Variants in STAU2 observed in about 807,000 individuals in gnomAD.
The protein encoded by STAU2 is double-stranded RNA-binding protein Staufen homolog 2.
A neutral mutation model predicts 65.9 loss-of-function variants in STAU2; 20 were observed. The observed-to-expected ratio is 0.30, with a 90% CI of 0.21 to 0.44. STAU2 has a LOEUF of 0.44. Among genes scored for constraint, STAU2 ranks in the 20% least tolerant of loss-of-function variants. The pLI, the probability that STAU2 is intolerant of heterozygous loss-of-function variation, is 1.00. For synonymous variants in STAU2, 232 were observed against 233.9 expected, an observed-to-expected ratio of 0.99 and a Z score of 0.07; for missense variants, 558 against 683.9, an observed-to-expected ratio of 0.82 and a Z score of 2.05.
At chr8:73,452,142 T>C (rs1266662280) in intron 13 of STAU2, among the ~76,000 whole-genome samples, 1 of 152,190 alleles carries the variant, frequency 6.6e-6, no homozygotes, top group Non-Finnish European at 1.5e-5. Flanking sequence ...GCTCGCTTTC[T>C]AGTATTTCAG....
chr8:73,500,676 T>C (rs953944215), intron 13 of STAU2, among the ~76,000 whole-genome samples: 3 of 151,928 alleles, frequency 2.0e-5, no homozygotes, highest in African/African-American at 7.2e-5. Context: ...AATAAGAATA[T>C]GACCGTGATA....
At chr8:73,569,899 G>A (rs1008033475) in intron 12 of STAU2, among the ~76,000 whole-genome samples, 3 of 152,192 alleles carry the variant, frequency 2.0e-5, no homozygotes, top group Non-Finnish European at 2.9e-5. Flanking sequence ...AAATCAGAAT[G>A]CCTCTTCTCC....
At chr8:73,543,918 A>C (rs893817992) in intron 13 of STAU2, among the ~76,000 whole-genome samples, 1 of 152,218 alleles carries the variant, frequency 6.6e-6, no homozygotes, top group Non-Finnish European at 1.5e-5. Context: ...ACTGATCACC[A>C]GACCGATTTC....
chr8:73,592,662 C>T (rs779582382), intron 11 of STAU2, among the ~76,000 whole-genome samples: 1 of 152,132 alleles, frequency 6.6e-6, no homozygotes, highest in Non-Finnish European at 1.5e-5. Flanking sequence ...AGAGCAAGAC[C>T]AGCCCAGCCA....
chr8:73,506,861 T>A (rs976781747), intron 13 of STAU2, among the ~76,000 whole-genome samples: 14 of 152,200 alleles, frequency 9.2e-5, no homozygotes, highest in African/African-American at 2.9e-4. Flanking sequence ...ATCCTTTTTG[T>A]CATTTCAACA....
chr8:73,643,961 G>A (rs1815176094), intron 6 of STAU2, among the ~76,000 whole-genome samples: 1 of 152,138 alleles, frequency 6.6e-6, no homozygotes, highest in Admixed American at 6.5e-5. Flanking sequence ...AGGTTTGTAT[G>A]GACTTGTCCT....
intron 5 of STAU2, among the ~76,000 whole-genome samples, chr8:73,680,362 A>G (rs1014056533): frequency 1.3e-5 from 2 of 152,140 alleles, no homozygotes; most frequent in Non-Finnish European, 2.9e-5. Flanking sequence ...TAGACCCAGA[A>G]GAAAAATAAC....
At chr8:73,551,960 A>G (rs760881263) in intron 13 of STAU2, 52 bp downstream of exon 13, 5 of 1,515,948 alleles carry the variant, frequency 3.3e-6, no homozygotes, top group Admixed American at 2.2e-5. Flanking sequence ...ACAGATGAAG[A>G]ATCTGAGGCT....
chr8:73,495,436 A>G (rs1237624342), intron 13 of STAU2, among the ~76,000 whole-genome samples: 2 of 151,326 alleles, frequency 1.3e-5, no homozygotes, highest in Non-Finnish European at 3.0e-5. Flanking sequence ...AAGCATTTAC[A>G]TTTTTCTTCT....
chr8:73,683,057 C>T (rs146593597), intron 5 of STAU2, among the ~76,000 whole-genome samples: 1 of 152,104 alleles, frequency 6.6e-6, no homozygotes, highest in Non-Finnish European at 1.5e-5. Flanking sequence ...GGTATTAATC[C>T]TATTGGCACT....
At chr8:73,627,007 T>C (rs1395819824) in intron 6 of STAU2, among the ~76,000 whole-genome samples, 2 of 151,774 alleles carry the variant, frequency 1.3e-5, no homozygotes, top group Non-Finnish European at 1.5e-5. Context: ...TCCCCTGTGG[T>C]GGCTGACAAG....
intron 12 of STAU2, among the ~76,000 whole-genome samples, chr8:73,572,099 CCAT>C (rs1234758373): frequency 6.6e-6 from 1 of 152,112 alleles, no homozygotes; most frequent in Non-Finnish European, 1.5e-5. Context: ...ATACAAACTA[CCAT>C]CAGAGAATAC....
chr8:73,474,296 G>A (rs1820200111), intron 13 of STAU2, among the ~76,000 whole-genome samples: 1 of 151,984 alleles, frequency 6.6e-6, no homozygotes, highest in South Asian at 2.1e-4. Flanking sequence ...AATATTCTGG[G>A]GTAATAAAAG....
chr8:73,552,297 C>T lies in STAU2; in HGVS notation c.1245G>A (p.Leu415=), dbSNP rs1486546852. 1.9e-6 allele frequency: 3 copies of T among 1,611,788 alleles called. No individual in the cohort carries two copies. The highest frequency in any genetic ancestry group is 2.2e-5 in the South Asian group (2 of 90,728). Residue 415 remains leucine (L), a synonymous_variant, in exon 13 of 15, where the codon TTG becomes TTA. Coordinates refer to ENST00000524300, the MANE Select transcript of STAU2 (RefSeq NM_001164380.2). ...CCATCTCTTGATAAACATCAGGAGA[C>T]AAATGAAGAATTCCTTTTGGAGCTA... ...TNNTPKGILH[L]SPDVYQEMEA...
intron 13 of STAU2, among the ~76,000 whole-genome samples, chr8:73,499,307 T>C (rs1359942557): frequency 1.3e-5 from 2 of 151,782 alleles, no homozygotes; most frequent in African/African-American, 2.4e-5. Context: ...TGGCTAAATA[T>C]GGAGGTTGAG....
chr8:73,438,518 G>A (rs540267048), intron 13 of STAU2, among the ~76,000 whole-genome samples: 137 of 152,332 alleles, frequency 9.0e-4, no homozygotes, highest in African/African-American at 3.2e-3. Flanking sequence ...TGGGAATCCA[G>A]GACACCGTGA....
intron 13 of STAU2, among the ~76,000 whole-genome samples, chr8:73,492,487 C>A (rs908538954): frequency 1.3e-5 from 2 of 151,812 alleles, no homozygotes; most frequent in African/African-American, 4.8e-5. Flanking sequence ...TAGATAAGTA[C>A]TCTCTTGAAA....
chr8:73,623,518 G>A (rs1813417849), intron 6 of STAU2, among the ~76,000 whole-genome samples: 1 of 152,130 alleles, frequency 6.6e-6, no homozygotes, highest in Non-Finnish European at 1.5e-5. Flanking sequence ...GATCTAATAA[G>A]GAGAGGCTTT....
intron 4 of STAU2, among the ~76,000 whole-genome samples, chr8:73,690,677 G>A (rs1239208387): frequency 2.0e-5 from 3 of 152,094 alleles, no homozygotes; most frequent in Non-Finnish European, 2.9e-5. Context: ...AAGTAATGTG[G>A]CAAATAAATT....
Sources: allele counts gnomAD v4.1 joint callset (sites outside exome capture counted in the v4.1 genomes callset), GRCh38; gene constraint gnomAD v4.1.1; transcripts MANE v1.5; gene names NCBI Gene and HGNC (gene_info 2026-07-23, HGNC 2026-07-21).